Variants in MYOZ2 observed in about 807,000 individuals in gnomAD.
The protein encoded by MYOZ2 is myozenin-2.
In MYOZ2, 19 loss-of-function variants were observed where a neutral mutation model predicts 25.4. The observed-to-expected ratio is 0.75, with a 90% CI of 0.52 to 1.10. The LOEUF (loss-of-function observed/expected upper bound fraction) is 1.10, where lower values mean the gene tolerates loss of function less well. Among genes scored for constraint, MYOZ2 ranks in the 50% least tolerant of loss-of-function variants. MYOZ2 has a pLI of 0.00. For synonymous variants in MYOZ2, 92 were observed against 106.9 expected, an observed-to-expected ratio of 0.86 and a Z score of 0.86; for missense variants, 270 against 317.9, an observed-to-expected ratio of 0.85 and a Z score of 1.15.
At chr4:119,147,201 T>G (rs2149220235) in intron 2 of MYOZ2, among the ~76,000 whole-genome samples, 1 of 152,274 alleles carries the variant, frequency 6.6e-6, no homozygotes. Context: ...TACATTTAAT[T>G]TATTAATGTC....
intron 3 of MYOZ2, among the ~76,000 whole-genome samples, chr4:119,154,515 T>C (rs972421869): frequency 2.0e-5 from 3 of 152,034 alleles, no homozygotes; most frequent in Non-Finnish European, 4.4e-5. Context: ...TGAGAAAGAG[T>C]TGATTTTCCT....
intron 3 of MYOZ2, among the ~76,000 whole-genome samples, chr4:119,157,417 A>G (rs955601083): frequency 1.3e-5 from 2 of 152,180 alleles, no homozygotes; most frequent in African/African-American, 4.8e-5. Flanking sequence ...AATTTAAAAG[A>G]CAAATGTATT....
chr4:119,167,960 C>T (rs868391976), intron 5 of MYOZ2, among the ~76,000 whole-genome samples: 26 of 151,608 alleles, frequency 1.7e-4, no homozygotes, highest in Middle Eastern at 3.4e-3. Context: ...GCAATGTACA[C>T]GGAGATTAAT....
At chr4:119,173,040 A>G (rs944767245) in intron 5 of MYOZ2, among the ~76,000 whole-genome samples, 2 of 152,232 alleles carry the variant, frequency 1.3e-5, no homozygotes, top group Admixed American at 6.5e-5. Flanking sequence ...TAGTACATTC[A>G]TTAGCTACTT....
chr4:119,151,164 T>C lies in MYOZ2; in HGVS notation c.246+123T>C, dbSNP rs1268598686. ...CTTTCAATTTATTCTGTTAGGCTAT[T>C]TTTTTTTTATCATAATGAATAGTTT... On this transcript the variant is annotated intron_variant, in intron 3 of 5. Coordinates refer to ENST00000307128, the MANE Select transcript of MYOZ2 (RefSeq NM_016599.5). The C allele has an allele frequency of 9.3e-6, 7 of 749,210 alleles. No individual in the cohort carries two copies. In the Admixed American group the frequency reaches 2.4e-4, roughly 26 times the overall value. The allele number at this position is 749,210 out of a possible 1,614,324, so 46.4% of individuals were successfully genotyped here.
chr4:119,159,524 A>C (rs1394595326), intron 4 of MYOZ2, among the ~76,000 whole-genome samples: 1 of 152,166 alleles, frequency 6.6e-6, no homozygotes, highest in Non-Finnish European at 1.5e-5. Flanking sequence ...TACATTATCT[A>C]ATTAGACAAC....
At position 119,160,652 on chromosome 4, in the gene MYOZ2, C is replaced by T. The variant is rs144327521; in HGVS notation, c.376+2501C>T. On this transcript the variant is annotated intron_variant, in intron 4 of 5. Transcript: ENST00000307128. ...AGAGAGAGACTTTGTGGGGGGAAAA[C>T]TGCATGCTTTATTAAATGGTATATT... Among the ~76,000 whole-genome samples the T allele has an allele frequency of 2.9e-3, 439 of 152,046 alleles. 3 individuals are homozygous for T. Among genetic ancestry groups the T allele is most frequent in the African/African-American group, 9.8e-3 (408 of 41,492 alleles).
At chr4:119,174,021 C>T (rs943097692) in intron 5 of MYOZ2, among the ~76,000 whole-genome samples, 6 of 152,236 alleles carry the variant, frequency 3.9e-5, no homozygotes, top group South Asian at 2.1e-4. Context: ...GCTGCCTTCC[C>T]GCAGGGCAGG....
At chr4:119,145,530 GTGTGTGTGTGTGTGTGTGTT>G (rs986433285) in intron 2 of MYOZ2, among the ~76,000 whole-genome samples, 6 of 137,342 alleles carry the variant, frequency 4.4e-5, no homozygotes, top group Admixed American at 7.5e-5. Flanking sequence ...GTGTGTGTGT[GTGTGTGTGTGTGTGTGTGTT>G]TTTGGTAGAG....
chr4:119,154,762 G>A (rs1741532339), intron 3 of MYOZ2, among the ~76,000 whole-genome samples: 1 of 151,462 alleles, frequency 6.6e-6, no homozygotes, highest in Admixed American at 6.6e-5. Flanking sequence ...ATTAGTATAG[G>A]TTTAGAAGTA....
intron 5 of MYOZ2, among the ~76,000 whole-genome samples, chr4:119,173,264 A>G (rs1741982962): frequency 2.6e-5 from 4 of 152,246 alleles, no homozygotes; most frequent in Admixed American, 2.6e-4. Context: ...ATGAAATAGA[A>G]AAATCATTTT....
At chr4:119,159,421 T>C (rs1374581913) in intron 4 of MYOZ2, among the ~76,000 whole-genome samples, 1 of 152,214 alleles carries the variant, frequency 6.6e-6, no homozygotes, top group African/African-American at 2.4e-5. Context: ...TACATTTGTT[T>C]ATCATTTTAA....
intron 2 of MYOZ2, among the ~76,000 whole-genome samples, chr4:119,146,548 G>A (rs6844238): frequency 0.27 from 40,847 of 151,798 alleles, 5,605 homozygotes; most frequent in Middle Eastern, 0.34. Flanking sequence ...TTATCATTCT[G>A]TTACTAATTT....
At chr4:119,175,394 T>C (rs1742046805) in intron 5 of MYOZ2, among the ~76,000 whole-genome samples, 1 of 152,196 alleles carries the variant, frequency 6.6e-6, no homozygotes, top group Non-Finnish European at 1.5e-5. Flanking sequence ...ACAAGGTTAA[T>C]TGATCAATTT....
At chr4:119,156,235 T>C (rs1336872586) in intron 3 of MYOZ2, among the ~76,000 whole-genome samples, 2 of 151,678 alleles carry the variant, frequency 1.3e-5, no homozygotes, top group Non-Finnish European at 2.9e-5. Context: ...GTCCTCTTGC[T>C]AGGGGAACTC....
intron 4 of MYOZ2, among the ~76,000 whole-genome samples, 167 bp downstream of exon 4, chr4:119,158,318 G>A (rs1476631649): frequency 2.0e-5 from 3 of 152,180 alleles, no homozygotes; most frequent in Admixed American, 6.5e-5. Context: ...CACTTTGGGA[G>A]ACTGAGGTGG....
chr4:119,175,032 C>G (rs139326142), intron 5 of MYOZ2, among the ~76,000 whole-genome samples: 4,438 of 151,806 alleles, frequency 0.029, 231 homozygotes, highest in African/African-American at 0.1. Flanking sequence ...CGAACACATC[C>G]GAACATCAGA....
chr4:119,164,371 G>A lies in MYOZ2; in HGVS notation c.537G>A (p.Leu179=), dbSNP rs1561121789. ...KLFKPEGKAE[L]PDYRSFNRVA... ...TCAAGCCTGAAGGAAAGGCAGAACT[G>A]CCTGATTACAGGAGCTTTAACAGGT... Residue 179 remains leucine (L), a synonymous_variant, in exon 5 of 6, where the codon CTG becomes CTA. Transcript: ENST00000307128. 6.2e-7 allele frequency: 1 copy of A among 1,614,026 alleles called. No homozygotes were observed. The highest frequency in any genetic ancestry group is 8.5e-7 in the Non-Finnish European group (1 of 1,179,956).
At chr4:119,179,926 C>T (rs1194935534) in intron 5 of MYOZ2, among the ~76,000 whole-genome samples, 1 of 152,220 alleles carries the variant, frequency 6.6e-6, no homozygotes, top group African/African-American at 2.4e-5. Flanking sequence ...GGTAATTTCC[C>T]AAAGGTCTCC....
Sources: allele counts gnomAD v4.1 joint callset (sites outside exome capture counted in the v4.1 genomes callset), GRCh38; gene constraint gnomAD v4.1.1; transcripts MANE v1.5; gene names NCBI Gene and HGNC (gene_info 2026-07-23, HGNC 2026-07-21).